MED13L: variants seen among roughly 807,000 people sequenced by gnomAD.
MED13L encodes mediator complex subunit 13L.
MED13L carries 7 observed loss-of-function variants against 220.9 expected under a neutral mutation model. The ratio of observed to expected loss-of-function variants is 0.03; its 90% CI spans 0.02 to 0.06. The LOEUF (loss-of-function observed/expected upper bound fraction) is 0.06. Ranked by LOEUF, MED13L falls within the 10% of genes least tolerant of loss-of-function variation. The pLI is 1.00. For synonymous variants in MED13L, 1,011 were observed against 1,015.2 expected, an observed-to-expected ratio of 1.00 and a Z score of 0.08; for missense variants, 1,965 against 2,760.5, an observed-to-expected ratio of 0.71 and a Z score of 6.46.
chr12:115,988,766 A>G (rs1877867274), intron 17 of MED13L, among the ~76,000 whole-genome samples: 1 of 152,202 alleles, frequency 6.6e-6, no homozygotes, highest in Non-Finnish European at 1.5e-5. Flanking sequence ...CCTCCCCTGC[A>G]ATAAAATGTC....
At chr12:116,107,731 G>T (rs1245657124) in intron 3 of MED13L, among the ~76,000 whole-genome samples, 2 of 152,150 alleles carry the variant, frequency 1.3e-5, no homozygotes, top group Non-Finnish European at 2.9e-5. Flanking sequence ...TGCAAACTAT[G>T]GAAAAAATGG....
rs534012467 is a variant in MED13L, at chr12:116,132,006, C to T, written c.311-20494G>A. 7.2e-5 allele frequency among the ~76,000 whole-genome samples: 11 copies of T among 151,906 alleles called. No homozygotes were observed. The East Asian group carries it at 1.7e-3, about 24-fold the overall frequency. On this transcript the variant is annotated intron_variant, in intron 2 of 30. Transcript: ENST00000281928. ...TCAAAAAAAAGAAAAACGCCAGGTGCGGTGGCTCATGCCTGTAATCCCAAC... is the reference window on the plus strand; with the variant it reads ...TCAAAAAAAAGAAAAACGCCAGGTGTGGTGGCTCATGCCTGTAATCCCAAC...
chr12:116,094,479 A>C (rs1478422128), intron 4 of MED13L, among the ~76,000 whole-genome samples: 1 of 152,230 alleles, frequency 6.6e-6, no homozygotes, highest in Non-Finnish European at 1.5e-5. Flanking sequence ...AAAGTTATGA[A>C]GATTTTTGGA....
At chr12:116,247,256 TAAAC>T (rs1871179255) in intron 1 of MED13L, among the ~76,000 whole-genome samples, 1 of 151,916 alleles carries the variant, frequency 6.6e-6, no homozygotes, top group Admixed American at 6.6e-5. Flanking sequence ...AAAGGAAATT[TAAAC>T]AAAATTAATC....
At chr12:116,192,408 A>C (rs1050153318) in intron 2 of MED13L, among the ~76,000 whole-genome samples, 1 of 152,240 alleles carries the variant, frequency 6.6e-6, no homozygotes, top group African/African-American at 2.4e-5. Context: ...ATGAATATAA[A>C]TGCAAAAACA....
chr12:116,166,207 T>C (rs1186128222), intron 2 of MED13L, among the ~76,000 whole-genome samples: 2 of 151,846 alleles, frequency 1.3e-5, no homozygotes, highest in East Asian at 2.0e-4. Flanking sequence ...TGATGGCTAA[T>C]ACTGAGTGTC....
At chr12:116,193,504 T>A (rs1485293380) in intron 2 of MED13L, among the ~76,000 whole-genome samples, 1 of 152,130 alleles carries the variant, frequency 6.6e-6, no homozygotes, top group African/African-American at 2.4e-5. Context: ...ACTTGAAATG[T>A]GAGTCATCTA....
chr12:116,235,754 C>T (rs1164057515), intron 2 of MED13L, among the ~76,000 whole-genome samples: 1 of 152,120 alleles, frequency 6.6e-6, no homozygotes, highest in East Asian at 1.9e-4. Context: ...TTTCTAAGAA[C>T]ACTGACGATT....
chr12:116,077,625 A>C (rs747800951), intron 4 of MED13L, among the ~76,000 whole-genome samples: 34 of 152,218 alleles, frequency 2.2e-4, no homozygotes, highest in Non-Finnish European at 3.1e-4. Context: ...GTACATATGC[A>C]CAGACTAATC....
chr12:116,200,902 CAA>C (rs1050005527), intron 2 of MED13L, among the ~76,000 whole-genome samples: 6 of 151,936 alleles, frequency 3.9e-5, no homozygotes, highest in African/African-American at 7.3e-5. Context: ...TAACTTAAAA[CAA>C]GAGGGATGGT....
At chr12:116,182,374 G>A (rs766036818) in intron 2 of MED13L, among the ~76,000 whole-genome samples, 2 of 152,074 alleles carry the variant, frequency 1.3e-5, no homozygotes, top group Non-Finnish European at 2.9e-5. Flanking sequence ...ACAAATCTCT[G>A]ACACTTCTCC....
intron 1 of MED13L, among the ~76,000 whole-genome samples, chr12:116,262,283 A>G (rs1252218071): frequency 7.2e-5 from 11 of 152,214 alleles, no homozygotes; most frequent in Admixed American, 7.2e-4. Flanking sequence ...CAAATGGCTA[A>G]AGAGTTATGT....
intron 2 of MED13L, among the ~76,000 whole-genome samples, chr12:116,220,234 A>G (rs1883230985): frequency 6.6e-6 from 1 of 152,206 alleles, no homozygotes; most frequent in Non-Finnish European, 1.5e-5. Context: ...CATGGGATCA[A>G]TTAAAATCTC....
intron 4 of MED13L, among the ~76,000 whole-genome samples, chr12:116,054,406 T>A (rs1369599119): frequency 1.3e-5 from 2 of 152,212 alleles, no homozygotes; most frequent in Non-Finnish European, 2.9e-5. Flanking sequence ...GTAACAATCA[T>A]GTAACAATCA....
chr12:116,163,549 G>C (rs1040029133), intron 2 of MED13L, among the ~76,000 whole-genome samples: 4 of 151,934 alleles, frequency 2.6e-5, no homozygotes, highest in Non-Finnish European at 5.9e-5. Flanking sequence ...ACTTTTAGTA[G>C]AGACAGGGTT....
chr12:116,261,365 T>C (rs1042363799), intron 1 of MED13L, among the ~76,000 whole-genome samples: 4 of 151,758 alleles, frequency 2.6e-5, no homozygotes, highest in African/African-American at 7.3e-5. Flanking sequence ...GGCATGGTCA[T>C]GGGTGCCTGT....
At chr12:116,232,176 A>T (rs895809042) in intron 2 of MED13L, 1 of 972,438 alleles carries the variant, frequency 1.0e-6, no homozygotes, top group Non-Finnish European at 1.2e-6. Flanking sequence ...AGAAAAAGCA[A>T]TATTTATGTC....
intron 4 of MED13L, among the ~76,000 whole-genome samples, chr12:116,088,591 A>T (rs746652805): frequency 2.0e-5 from 3 of 152,122 alleles, no homozygotes; most frequent in Non-Finnish European, 4.4e-5. Flanking sequence ...CAGCCCAAGA[A>T]TCAACAGTGC....
At chr12:116,140,326 C>G (rs1876956572) in intron 2 of MED13L, among the ~76,000 whole-genome samples, 1 of 152,132 alleles carries the variant, frequency 6.6e-6, no homozygotes, top group African/African-American at 2.4e-5. Flanking sequence ...AAGGTTATAT[C>G]CTCAGTTCAC....
Sources: gnomAD v4.1 joint callset for allele counts (sites outside exome capture counted in the v4.1 genomes callset) on GRCh38, gnomAD v4.1.1 for gene constraint, MANE v1.5 for transcripts, NCBI Gene and HGNC (gene_info 2026-07-23, HGNC 2026-07-21) for gene names.